DPF3: variants seen among roughly 807,000 people sequenced by gnomAD.
DPF3 encodes the protein zinc finger protein DPF3.
DPF3 carries 18 observed loss-of-function variants against 56.8 expected under a neutral mutation model. That is an observed-to-expected ratio of 0.32 (90% CI 0.22 to 0.47). The LOEUF is 0.47. Ranked by LOEUF, DPF3 falls within the 20% of genes least tolerant of loss-of-function variation. The pLI, the probability that DPF3 is intolerant of heterozygous loss-of-function variation, is 1.00. For missense variants in DPF3, 403 were observed against 488.8 expected (o/e 0.82, Z 1.65); for synonymous variants, 188 against 180.2 (o/e 1.04, Z -0.35).
chr14:72,858,876 T>C (rs1885272218), intron 1 of DPF3, among the ~76,000 whole-genome samples: 1 of 152,204 alleles, frequency 6.6e-6, no homozygotes, highest in East Asian at 1.9e-4. Context: ...GTTGCTTGAA[T>C]TTTTAGTAAC....
intron 1 of DPF3, among the ~76,000 whole-genome samples, chr14:72,854,231 C>T (rs894905414): frequency 1.3e-5 from 2 of 152,056 alleles, no homozygotes; most frequent in Non-Finnish European, 2.9e-5. Flanking sequence ...GTAGTGCATG[C>T]TATAGTCCCA....
intron 8 of DPF3, among the ~76,000 whole-genome samples, chr14:72,669,216 T>C (rs1249927361): frequency 6.6e-5 from 10 of 152,222 alleles, no homozygotes; most frequent in African/African-American, 2.4e-4. Context: ...TGGTTTGTTA[T>C]TTTAAGGAGC....
At chr14:72,713,946 A>T (rs1888772898) in intron 6 of DPF3, among the ~76,000 whole-genome samples, 1 of 152,244 alleles carries the variant, frequency 6.6e-6, no homozygotes, top group South Asian at 2.1e-4. Flanking sequence ...TCATAGAAAG[A>T]TTCATAACTT....
Position 72,849,929 on chromosome 14 carries a change from C to T in DPF3, c.32+44128G>A, listed in dbSNP as rs113008163. The stretch of plus-strand genomic sequence containing the variant: ...GGTCAGGAGTTCAAGACCAGCCTGA[C>T]CAACATGGTGAAACCACATCTTTAC... On this transcript the variant is annotated intron_variant, in intron 1 of 10. Transcript: ENST00000556509. 9.2e-3 allele frequency among the ~76,000 whole-genome samples: 1,396 copies of T among 152,236 alleles called. 11 individuals carry two copies. The highest frequency in any genetic ancestry group is 0.011 in the African/African-American group (452 of 41,536).
At chr14:72,650,739 G>C (rs946386662) in intron 8 of DPF3, among the ~76,000 whole-genome samples, 15 of 152,128 alleles carry the variant, frequency 9.9e-5, no homozygotes, top group Non-Finnish European at 1.2e-4. Flanking sequence ...ATGGAGCTAG[G>C]GGGTCAGAAG....
chr14:72,837,780 TC>T (rs1884361836), intron 1 of DPF3, among the ~76,000 whole-genome samples: 1 of 152,080 alleles, frequency 6.6e-6, no homozygotes, highest in African/African-American at 2.4e-5. Context: ...AGATCACTGT[TC>T]ACAATCACAA....
rs1567273452 is a variant in DPF3, at chr14:72,892,590, C to T, written c.32+1467G>A. ...TTCCTTTGCGTTAGGAACCCCCTAC[C>T]GTCCCCGGGAGCGAACCTGGTTTTC... On this transcript the variant is annotated intron_variant, in intron 1 of 10. Transcript: ENST00000556509. 5 of 1,256,266 alleles carry T rather than the reference C, an allele frequency of 4.0e-6. No individual in the cohort carries two copies. The South Asian group carries it at 8.1e-5, about 20-fold the overall frequency. The allele number at this position is 1,256,266 out of a possible 1,614,324, so 77.8% of individuals were successfully genotyped here.
At position 72,768,933 on chromosome 14, in the gene DPF3, C is replaced by CTGTGTGTG. The variant is rs10543093; in HGVS notation, c.193+2792_193+2799dup. Among the ~76,000 whole-genome samples the CTGTGTGTG allele has an allele frequency of 2.3e-3, 343 of 146,514 alleles. 3 individuals carry two copies. Among genetic ancestry groups the CTGTGTGTG allele is most frequent in the African/African-American group, 5.9e-3 (234 of 39,660 alleles). ...TTGTTCTGATACTGTGTGTGAGTGT[C>CTGTGTGTG]TGTGTGTGTGTGTGTGTGTGTGTGT... On this transcript the variant is annotated intron_variant, in intron 2 of 10. Transcript: ENST00000556509.
rs1002190563 is a variant in DPF3, at chr14:72,861,416, T to C, written c.32+32641A>G. On this transcript the variant is annotated intron_variant, in intron 1 of 10. Coordinates refer to ENST00000556509, the MANE Select transcript of DPF3 (RefSeq NM_001280542.3). ...GACCCCTAGCTCTCCTTAAGTTGTG[T>C]ATATTCTCTCTCAATATGTTGAGTA... 3.3e-5 allele frequency among the ~76,000 whole-genome samples: 5 copies of C among 152,308 alleles called. No individual in the cohort carries two copies. The East Asian group carries it at 7.7e-4, about 23-fold the overall frequency.
chr14:72,868,550 T>G (rs1353439540), intron 1 of DPF3, among the ~76,000 whole-genome samples: 2 of 152,214 alleles, frequency 1.3e-5, no homozygotes, highest in South Asian at 2.1e-4. Flanking sequence ...GGAATCTACC[T>G]TTCCATCAGT....
chr14:72,799,107 G>A (rs1229401146), intron 1 of DPF3, among the ~76,000 whole-genome samples: 1 of 152,188 alleles, frequency 6.6e-6, no homozygotes, highest in Non-Finnish European at 1.5e-5. Context: ...GGCAGGTGGG[G>A]CTGAATGGAT....
rs533850097 is a variant in DPF3, at chr14:72,845,803, C to T, written c.32+48254G>A. On this transcript the variant is annotated intron_variant, in intron 1 of 10. Coordinates refer to ENST00000556509, the MANE Select transcript of DPF3 (RefSeq NM_001280542.3). ...GAAAGTTAAGATTCCTGTTCTGAAA[C>T]GAGAAGGGTTCTCTTTTCACATGAC... Among the ~76,000 whole-genome samples, 28 of 152,302 alleles carry T rather than the reference C, an allele frequency of 1.8e-4. No individual in the cohort carries two copies. The South Asian group carries it at 5.2e-3, about 28-fold the overall frequency.
chr14:72,816,724 T>C (rs559452796), intron 1 of DPF3, among the ~76,000 whole-genome samples: 1 of 152,348 alleles, frequency 6.6e-6, no homozygotes, highest in Non-Finnish European at 1.5e-5. Context: ...GTTCTGATTA[T>C]ACTCTCAAGA....
At chr14:72,800,389 G>A (rs948173102) in intron 1 of DPF3, among the ~76,000 whole-genome samples, 1 of 146,508 alleles carries the variant, frequency 6.8e-6, no homozygotes, top group Admixed American at 6.9e-5. Context: ...TGGATGGATG[G>A]ATGGATGGAT....
At chr14:72,664,497 G>GTC (rs1886362771) in intron 8 of DPF3, among the ~76,000 whole-genome samples, 2 of 152,050 alleles carry the variant, frequency 1.3e-5, no homozygotes, top group South Asian at 4.2e-4. Context: ...TGTGTTCTTA[G>GTC]TCTCCTGCTC....
intron 8 of DPF3, among the ~76,000 whole-genome samples, chr14:72,666,499 T>C (rs937830898): frequency 1.3e-5 from 2 of 152,156 alleles, no homozygotes; most frequent in Non-Finnish European, 2.9e-5. Context: ...TATTAGAAGA[T>C]CCATACATCA....
At chr14:72,679,052 A>G (rs976267112) in intron 7 of DPF3, 2 of 152,254 alleles carry the variant, frequency 1.3e-5, no homozygotes, top group Non-Finnish European at 2.9e-5. Context: ...GAGAGCAGGC[A>G]TTCTGGAAAG....
At chr14:72,728,713 T>C (rs1889512125) in intron 4 of DPF3, among the ~76,000 whole-genome samples, 1 of 152,060 alleles carries the variant, frequency 6.6e-6, no homozygotes, top group South Asian at 2.1e-4. Context: ...CAAGCACTGT[T>C]TGGGTGCTTA....
At chr14:72,716,109 G>T (rs767582416) in intron 5 of DPF3, among the ~76,000 whole-genome samples, 8 of 151,686 alleles carry the variant, frequency 5.3e-5, no homozygotes, top group Non-Finnish European at 8.8e-5. Flanking sequence ...GCAGAATGAC[G>T]AGGCAACAGC....
Sources: allele counts gnomAD v4.1 joint callset (sites outside exome capture counted in the v4.1 genomes callset), GRCh38; gene constraint gnomAD v4.1.1; transcripts MANE v1.5; gene names NCBI Gene and HGNC (gene_info 2026-07-23, HGNC 2026-07-21).